FBN1: variants seen among roughly 807,000 people sequenced by gnomAD.
FBN1 encodes the protein fibrillin 1.
FBN1 carries 29 observed loss-of-function variants against 365.1 expected under a neutral mutation model. The observed-to-expected ratio is 0.08, with a 90% CI of 0.06 to 0.11. The LOEUF (loss-of-function observed/expected upper bound fraction) is 0.11. FBN1 is among the 10% of genes least tolerant of loss of function. The pLI is 1.00. For synonymous variants in FBN1, 1,210 were observed against 1,270.5 expected (o/e 0.95, Z 1.01); for missense variants, 2,476 against 3,703.2 (o/e 0.67, Z 8.60).
intron 6 of FBN1, among the ~76,000 whole-genome samples, chr15:48,539,185 C>G (rs1427609444): frequency 6.6e-6 from 1 of 152,156 alleles, no homozygotes; most frequent in African/African-American, 2.4e-5. Context: ...TCCATCTGCT[C>G]CCCATCACTA....
intron 4 of FBN1, among the ~76,000 whole-genome samples, chr15:48,600,564 C>T (rs2044555378): frequency 2.6e-5 from 4 of 152,104 alleles, no homozygotes; most frequent in Admixed American, 1.3e-4. Flanking sequence ...ATTAGCCAGG[C>T]GTAATGGCGC....
intron 64 of FBN1, among the ~76,000 whole-genome samples, chr15:48,413,669 T>G (rs2042881167): frequency 6.6e-6 from 1 of 152,242 alleles, no homozygotes; most frequent in Admixed American, 6.5e-5. Context: ...CAGAGTCCAT[T>G]CTAGTGATTC....
intron 13 of FBN1, among the ~76,000 whole-genome samples, chr15:48,511,145 G>T (rs757679097): frequency 1.3e-5 from 2 of 152,176 alleles, no homozygotes; most frequent in African/African-American, 2.4e-5. Context: ...CAATGAGCAC[G>T]TGCGTTCATG....
At chr15:48,604,067 T>C (rs1178167403) in intron 4 of FBN1, among the ~76,000 whole-genome samples, 1 of 152,226 alleles carries the variant, frequency 6.6e-6, no homozygotes, top group African/African-American at 2.4e-5. Flanking sequence ...AGAAATTTTC[T>C]TTAGATTACA....
chr15:48,446,365 T>C (rs1250585751), intron 47 of FBN1, among the ~76,000 whole-genome samples: 1 of 152,200 alleles, frequency 6.6e-6, no homozygotes, highest in East Asian at 1.9e-4. Flanking sequence ...TGTTCTATTT[T>C]CTTATTAGTT....
chr15:48,547,636 T>A (rs917121342), intron 6 of FBN1, among the ~76,000 whole-genome samples: 1 of 152,046 alleles, frequency 6.6e-6, no homozygotes, highest in East Asian at 1.9e-4. Flanking sequence ...GGTTGGCAAA[T>A]GTTATTTCTA....
rs764526450 is a variant in FBN1 at position 48,420,733 on chromosome 15, G to A, written c.7773C>T (p.Ser2591=). ...CQNIIGGYRC[S]CPQGYLQHYQ... is the part of the protein sequence containing the mutation. ...AGTGCTGGAGGTAGCCCTGGGGGCA[G>A]CTGCACCTGTAGCCCCCAATGATGT... Residue 2591 remains serine, a synonymous_variant, in exon 63 of 66, where the codon AGC becomes AGT. Transcript: ENST00000316623. 59 of 1,613,866 alleles carry A rather than the reference G, an allele frequency of 3.7e-5. No individual in the cohort carries two copies. The highest frequency in any genetic ancestry group is 3.3e-4 in the Middle Eastern group (2 of 6,084).
At chr15:48,576,866 C>T (rs1033985440) in intron 6 of FBN1, among the ~76,000 whole-genome samples, 1 of 152,076 alleles carries the variant, frequency 6.6e-6, no homozygotes, top group Non-Finnish European at 1.5e-5. Context: ...GAGAACTGTA[C>T]AGCAGAGAAG....
At chr15:48,624,754 C>G (rs951668263) in intron 2 of FBN1, among the ~76,000 whole-genome samples, 1 of 152,224 alleles carries the variant, frequency 6.6e-6, no homozygotes, top group Admixed American at 6.5e-5. Context: ...TGAAGCCACA[C>G]TGTACTTTTC....
chr15:48,506,578 A>G (rs959072626), intron 15 of FBN1, among the ~76,000 whole-genome samples: 2 of 152,244 alleles, frequency 1.3e-5, no homozygotes, highest in African/African-American at 4.8e-5. Context: ...GATGTAAGGT[A>G]GATCCAAAGG....
At chr15:48,411,544 C>T (rs1302484443) in intron 65 of FBN1, among the ~76,000 whole-genome samples, 165 bp from the exon 66 acceptor site, 1 of 152,194 alleles carries the variant, frequency 6.6e-6, no homozygotes, top group Non-Finnish European at 1.5e-5. Context: ...ATTAAATTGG[C>T]ACATATTTGT....
intron 2 of FBN1, among the ~76,000 whole-genome samples, chr15:48,618,851 T>C (rs1244822261): frequency 6.6e-6 from 1 of 152,084 alleles, no homozygotes; most frequent in Non-Finnish European, 1.5e-5. Flanking sequence ...GTGGGAGGGA[T>C]CTAGGTTGCC....
rs2042844737 is a variant in FBN1, at chr15:48,409,641, T to C, written c.*1349A>G. The C allele has an allele frequency of 1.3e-5, 2 of 152,156 alleles. No homozygotes were observed. The highest frequency in any genetic ancestry group is 2.9e-5 in the Non-Finnish European group (2 of 68,034). 9.4% of individuals were successfully genotyped at this position (152,156 alleles called of 1,614,324 possible). A position where few individuals can be genotyped will look rare whatever the true frequency, so the allele number is the denominator to read the frequency against. On this transcript the variant is annotated 3_prime_UTR_variant, in exon 66 of 66. Transcript: ENST00000316623. ...TATCCCTTTGTAATTAGATGAGCATTGACTAACGAAAGATGTTTAGGGGAA... is the reference window on the plus strand; with the variant it reads ...TATCCCTTTGTAATTAGATGAGCATCGACTAACGAAAGATGTTTAGGGGAA...
chr15:48,560,287 G>A (rs2044213802), intron 6 of FBN1, among the ~76,000 whole-genome samples: 1 of 152,100 alleles, frequency 6.6e-6, no homozygotes, highest in Admixed American at 6.6e-5. Flanking sequence ...TAAGGACCCT[G>A]GTTGGTGATG....
chr15:48,481,479 C>A (rs1431221841), intron 32 of FBN1, among the ~76,000 whole-genome samples, 176 bp downstream of exon 32: 3 of 151,858 alleles, frequency 2.0e-5, no homozygotes, highest in Non-Finnish European at 4.4e-5. Flanking sequence ...AACTTGGATC[C>A]AATATAAACG....
chr15:48,495,020 T>C (rs2043592571), intron 22 of FBN1, 103 bp downstream of exon 22: 1 of 1,417,558 alleles, frequency 7.1e-7, no homozygotes. Flanking sequence ...ATTAAATCTT[T>C]GAAAATTCTC....
Position 48,465,557 on chromosome 15 carries a change from G to A in FBN1, c.4942+11C>T, listed in dbSNP as rs1396507917. 6.2e-7 allele frequency: 1 copy of A among 1,613,810 alleles called. No homozygotes were observed. The highest frequency in any genetic ancestry group is 1.7e-5 in the Admixed American group (1 of 60,006). On this transcript the variant is annotated intron_variant, in intron 40 of 65. Transcript: ENST00000316623. ...TCTGCAAGACCTTATCATCCTACCA[G>A]GACCATTTACCATCACACACTCGTG...
chr15:48,418,126 C>CA (rs2042915622), intron 63 of FBN1, among the ~76,000 whole-genome samples: 1 of 151,632 alleles, frequency 6.6e-6, no homozygotes, highest in South Asian at 2.1e-4. Context: ...TTTTTTATAG[C>CA]AAAAAAAGAC....
chr15:48,619,391 C>G (rs1438470777), intron 2 of FBN1, among the ~76,000 whole-genome samples: 4 of 152,112 alleles, frequency 2.6e-5, no homozygotes, highest in African/African-American at 9.7e-5. Context: ...TTCTCCATCA[C>G]CAGTAGATTG....
Sources: allele counts gnomAD v4.1 joint callset (sites outside exome capture counted in the v4.1 genomes callset), GRCh38; gene constraint gnomAD v4.1.1; transcripts MANE v1.5; gene names NCBI Gene and HGNC (gene_info 2026-07-23, HGNC 2026-07-21).